Variants in ESYT2 observed in about 807,000 individuals in gnomAD.
ESYT2 encodes the protein extended synaptotagmin 2.
A neutral mutation model predicts 107.2 loss-of-function variants in ESYT2; 54 were observed. The ratio of observed to expected loss-of-function variants is 0.50; its 90% CI spans 0.40 to 0.63. The LOEUF (loss-of-function observed/expected upper bound fraction) is 0.63. Among genes scored for constraint, ESYT2 ranks in the 30% least tolerant of loss-of-function variants. The pLI is 0.00. For missense variants in ESYT2, 1,020 were observed against 1,094.5 expected (o/e 0.93, Z 0.96); for synonymous variants, 491 against 434.1 (o/e 1.13, Z -1.63).
chr7:158,761,617 A>G, intron 10 of ESYT2, 73 bp from the exon 11 acceptor site: 1 of 1,369,008 alleles, frequency 7.3e-7, no homozygotes, highest in South Asian at 1.2e-5. Flanking sequence ...TAAAACATAG[A>G]AAACACATTT....
In ESYT2 at chr7:158,804,405, T is replaced by C. The variant is rs185479324; in HGVS notation, c.331-5333A>G. 2.4e-3 allele frequency among the ~76,000 whole-genome samples: 318 copies of C among 131,722 alleles called. 3 individuals are homozygous for C. Among genetic ancestry groups the C allele is most frequent in the Middle Eastern group, 8.8e-3 (2 of 228 alleles). The allele number at this position is 131,722 out of a possible 152,430, so 86.4% of individuals were successfully genotyped here. On this transcript the variant is annotated intron_variant, in intron 1 of 22. Transcript: ENST00000275418. Reference sequence around the variant, plus strand: ...GAGGCGAGTGACAAACCCAAACTGTTGAGAAAAGTGAGGCACGTGACAAAC... The same window carrying C: ...GAGGCGAGTGACAAACCCAAACTGTCGAGAAAAGTGAGGCACGTGACAAAC...
chr7:158,747,680 C>A (rs1369682376), intron 16 of ESYT2, among the ~76,000 whole-genome samples: 1 of 152,150 alleles, frequency 6.6e-6, no homozygotes, highest in Non-Finnish European at 1.5e-5. Context: ...ATGAACCTGG[C>A]AACCTGCTCC....
At chr7:158,742,192 T>C (rs1048053567) in intron 17 of ESYT2, among the ~76,000 whole-genome samples, 5 of 152,116 alleles carry the variant, frequency 3.3e-5, no homozygotes, top group African/African-American at 1.2e-4. Context: ...TCCTCCCGCC[T>C]CAGCCTGCCA....
At chr7:158,770,923 A>G (rs1838343890) in intron 7 of ESYT2, among the ~76,000 whole-genome samples, 1 of 152,166 alleles carries the variant, frequency 6.6e-6, no homozygotes, top group Non-Finnish European at 1.5e-5. Flanking sequence ...CTGAGGCAGG[A>G]AGATCCCTTG....
rs779646663 is a variant in ESYT2, at chr7:158,749,709, T to G, written c.1497A>C (p.Ile499=). The change falls in exon 15 of 23, where the codon ATA becomes ATC. Residue 499 remains isoleucine, a synonymous_variant. Transcript: ENST00000275418. ...VQRALKSGKK[I]SSNPNPVVQM... ...GGACAACAGGATTTGGGTTGCTGCTTATTTTCTTCCCTGACTACCCAAAAC... is the reference window on the plus strand; with the variant it reads ...GGACAACAGGATTTGGGTTGCTGCTGATTTTCTTCCCTGACTACCCAAAAC... The G allele has an allele frequency of 6.2e-7, 1 of 1,614,016 alleles. No homozygotes were observed. Among genetic ancestry groups the G allele is most frequent in the Non-Finnish European group, 8.5e-7 (1 of 1,179,976 alleles).
intron 1 of ESYT2, among the ~76,000 whole-genome samples, chr7:158,800,454 A>G (rs2129473609): frequency 6.6e-6 from 1 of 152,278 alleles, no homozygotes; most frequent in African/African-American, 2.4e-5. Flanking sequence ...CAGTAGTTCA[A>G]TCACGGCTCA....
At position 158,743,548 on chromosome 7, in the gene ESYT2, T is replaced by A; in HGVS notation, c.1775A>T (p.Lys592Met). Residue 592 changes from lysine (K) to methionine (M), a missense_variant, in exon 17 of 23, where the codon AAG becomes ATG. Physicochemically the swap from Lys to Met is moderately conservative, Grantham distance 95. Transcript: ENST00000275418. The part of the protein sequence containing the change: ...LSNSGPNSTI[K>M]MKIALRVLHL... ...CGATACCCGCAGGGCAATCTTCATC[T>A]TGATGGTGCTGTTTGGACCCGAGTT... is the stretch of plus-strand genomic sequence containing the variant. 1 of 1,611,836 alleles carries A rather than the reference T, an allele frequency of 6.2e-7. No homozygotes were observed. The highest frequency in any genetic ancestry group is 8.5e-7 in the Non-Finnish European group (1 of 1,179,270).
chr7:158,739,616 G>C (rs942820231), intron 18 of ESYT2, among the ~76,000 whole-genome samples: 4 of 152,194 alleles, frequency 2.6e-5, no homozygotes, highest in Admixed American at 6.5e-5. Context: ...CCAAAGTGCT[G>C]GGATTACAGG....
At chr7:158,750,676 G>C (rs1343724681) in intron 14 of ESYT2, among the ~76,000 whole-genome samples, 1 of 152,148 alleles carries the variant, frequency 6.6e-6, no homozygotes, top group African/African-American at 2.4e-5. Context: ...AGTTTCCAAG[G>C]CTACAGATTA....
chr7:158,829,068 CG>C lies in ESYT2; in HGVS notation c.330+20del. On this transcript the variant is annotated intron_variant, in intron 1 of 22. Transcript: ENST00000275418. Reference sequence around the variant, plus strand: ...CGGGACTGGTGGTCAGGGGTCGGGACGGGCAGGGGTCTGCACTCACCCAGGC... The same window carrying C: ...CGGGACTGGTGGTCAGGGGTCGGGACGGCAGGGGTCTGCACTCACCCAGGC... 3 of 1,566,660 alleles carry C rather than the reference CG, an allele frequency of 1.9e-6. No homozygotes were observed. Among genetic ancestry groups the C allele is most frequent in the Non-Finnish European group, 2.6e-6 (3 of 1,167,656 alleles).
In ESYT2 at chr7:158,733,944, G is replaced by A. The variant is rs1836828815; in HGVS notation, c.*263C>T. Reference sequence around the variant, plus strand: ...ATCCGACTCCTACGGACACAGCTGAGCAGAGTCCACAGACACAAGAGCTAC... The same window carrying A: ...ATCCGACTCCTACGGACACAGCTGAACAGAGTCCACAGACACAAGAGCTAC... On this transcript the variant is annotated 3_prime_UTR_variant, in exon 23 of 23. Transcript: ENST00000275418. 3 of 484,314 alleles carry A rather than the reference G, an allele frequency of 6.2e-6. No homozygotes were observed. The highest frequency in any genetic ancestry group is 2.2e-5 in the South Asian group (1 of 46,118). 30.0% of individuals were successfully genotyped at this position (484,314 alleles called of 1,614,324 possible). A position where few individuals can be genotyped will look rare whatever the true frequency, so the allele number is the denominator to read the frequency against.
chr7:158,821,608 G>T (rs1179252918), intron 1 of ESYT2, among the ~76,000 whole-genome samples: 1 of 152,210 alleles, frequency 6.6e-6, no homozygotes, highest in Non-Finnish European at 1.5e-5. Context: ...GAGGGCCTGG[G>T]CCAGCCATCC....
At chr7:158,793,263 T>G (rs1352999057) in intron 4 of ESYT2, among the ~76,000 whole-genome samples, 2 of 152,204 alleles carry the variant, frequency 1.3e-5, no homozygotes, top group African/African-American at 4.8e-5. Flanking sequence ...CATCGACAAA[T>G]TTTTGTATGC....
intron 14 of ESYT2, among the ~76,000 whole-genome samples, chr7:158,750,815 A>G (rs1427664492): frequency 6.6e-6 from 1 of 152,224 alleles, no homozygotes; most frequent in Non-Finnish European, 1.5e-5. Flanking sequence ...CCTCCCTTGC[A>G]GTCAGGCATG....
chr7:158,822,777 G>A (rs546633814), intron 1 of ESYT2, among the ~76,000 whole-genome samples: 1 of 151,680 alleles, frequency 6.6e-6, no homozygotes, highest in African/African-American at 2.4e-5. Context: ...TGAGACTCCA[G>A]CTCAAAAAAT....
At chr7:158,751,361 C>A (rs1398737024) in intron 14 of ESYT2, among the ~76,000 whole-genome samples, 1 of 152,076 alleles carries the variant, frequency 6.6e-6, no homozygotes, top group Non-Finnish European at 1.5e-5. Flanking sequence ...GTTTTCAATC[C>A]TATGAAATAA....
Position 158,748,229 on chromosome 7 carries a change from T to C in ESYT2, c.1609A>G (p.Ile537Val), listed in dbSNP as rs202193173. Residue 537 changes from isoleucine (I) to valine (V), a missense_variant, in exon 16 of 23, where the codon ATT (isoleucine) becomes GTT (valine). By Grantham distance (29) the Ile-to-Val change is conservative. Coordinates refer to ENST00000275418, the MANE Select transcript of ESYT2 (RefSeq NM_001367773.1). ...AGGTCCTGGCGCTTGGGATTGTGAA[T>C]GAAGAAAGTGAAGTTTTCCTCCCAC... ...PVWEENFTFF[I>V]HNPKRQDLEV... The C allele has an allele frequency of 9.3e-6, 15 of 1,614,206 alleles. No homozygotes were observed. The highest frequency in any genetic ancestry group is 6.7e-5 in the East Asian group (3 of 44,876).
chr7:158,789,442 C>T (rs574014946), intron 4 of ESYT2, among the ~76,000 whole-genome samples: 3 of 152,042 alleles, frequency 2.0e-5, no homozygotes, highest in Non-Finnish European at 4.4e-5. Context: ...CTGCAACGGC[C>T]GCTATCTGGG....
rs1839521925 is a variant in ESYT2 at position 158,798,038 on chromosome 7, T to C, written c.411A>G (p.Ile137Met). 2 of 1,613,986 alleles carry C rather than the reference T, an allele frequency of 1.2e-6. No individual in the cohort carries two copies. The highest frequency in any genetic ancestry group is 1.7e-6 in the Non-Finnish European group (2 of 1,179,990). The change falls in exon 3 of 23, where the codon ATA (isoleucine) becomes ATG (methionine). Residue 137 changes from isoleucine to methionine, a missense_variant. Transcript: ENST00000275418. ...KHMWPFICQF[I>M]EKLFRETIEP... ...CTATAGTTTCTCGAAACAACTTCTCTATAAATTGGCAAATGAAAGGCCACA... is the reference window on the plus strand; with the variant it reads ...CTATAGTTTCTCGAAACAACTTCTCCATAAATTGGCAAATGAAAGGCCACA...
Sources: allele counts gnomAD v4.1 joint callset (sites outside exome capture counted in the v4.1 genomes callset), GRCh38; gene constraint gnomAD v4.1.1; transcripts MANE v1.5; gene names NCBI Gene and HGNC (gene_info 2026-07-23, HGNC 2026-07-21).